Variants in MAPK10 observed in about 807,000 individuals in gnomAD.
MAPK10 encodes the protein JNK3 alpha protein kinase.
MAPK10 carries 25 observed loss-of-function variants against 59.3 expected under a neutral mutation model. The observed-to-expected ratio is 0.42, with a 90% CI of 0.31 to 0.59. The LOEUF (loss-of-function observed/expected upper bound fraction) is 0.59. Among genes scored for constraint, MAPK10 ranks in the 20% least tolerant of loss-of-function variants. MAPK10 has a pLI of 0.15. For missense variants in MAPK10, 351 were observed against 568.9 expected (o/e 0.62, Z 3.90); for synonymous variants, 190 against 200.5 (o/e 0.95, Z 0.44).
At chr4:86,446,646 T>A (rs1750080241) in intron 1 of MAPK10, among the ~76,000 whole-genome samples, 1 of 152,184 alleles carries the variant, frequency 6.6e-6, no homozygotes, top group Non-Finnish European at 1.5e-5. Flanking sequence ...AGCATTATAT[T>A]TATTCCCCAA....
intron 3 of MAPK10, among the ~76,000 whole-genome samples, chr4:86,180,613 C>T: frequency 6.6e-6 from 1 of 151,744 alleles, no homozygotes; most frequent in East Asian, 1.9e-4. Context: ...TCCAACAACA[C>T]ATGACTAGAT....
chr4:86,085,795 G>C (rs118161700), intron 9 of MAPK10, among the ~76,000 whole-genome samples: 1 of 152,158 alleles, frequency 6.6e-6, no homozygotes, highest in Non-Finnish European at 1.5e-5. Flanking sequence ...CTGCACTGCC[G>C]TGTTTGTTGC....
At chr4:86,409,640 G>C (rs1187789869) in intron 1 of MAPK10, among the ~76,000 whole-genome samples, 1 of 152,060 alleles carries the variant, frequency 6.6e-6, no homozygotes, top group East Asian at 1.9e-4. Context: ...TGGATTCCTA[G>C]GTATTTTATT....
At chr4:86,113,926 T>A (rs893555777) in intron 4 of MAPK10, among the ~76,000 whole-genome samples, 4 of 152,236 alleles carry the variant, frequency 2.6e-5, no homozygotes, top group African/African-American at 9.6e-5. Context: ...CATTCTTTTT[T>A]CTCTAACCTT....
intron 1 of MAPK10, among the ~76,000 whole-genome samples, chr4:86,463,164 A>C (rs1751893218): frequency 6.6e-6 from 1 of 152,240 alleles, no homozygotes; most frequent in African/African-American, 2.4e-5. Context: ...GCATTAATTC[A>C]GTTATACAAC....
intron 1 of MAPK10, among the ~76,000 whole-genome samples, chr4:86,523,533 A>G (rs75107727): frequency 9.2e-5 from 14 of 152,184 alleles, no homozygotes; most frequent in Non-Finnish European, 1.6e-4. Flanking sequence ...TTCTTGCTTC[A>G]TCACTTCTCT....
At chr4:86,192,853 A>T (rs2080276560) in intron 3 of MAPK10, 1 of 152,044 alleles carries the variant, frequency 6.6e-6, no homozygotes, top group Admixed American at 6.6e-5. Context: ...GAGAAGAGGC[A>T]TTCTGGCTTT....
intron 3 of MAPK10, among the ~76,000 whole-genome samples, chr4:86,162,368 A>T (rs1408501528): frequency 6.6e-6 from 1 of 152,008 alleles, no homozygotes; most frequent in Non-Finnish European, 1.5e-5. Flanking sequence ...TAAAGGAAAA[A>T]TGAGGATGAT....
chr4:86,191,553 CTTTTTTTTTTTTTTTT>C (rs35357476), intron 3 of MAPK10: 10 of 30,414 alleles, frequency 3.3e-4, no homozygotes, highest in South Asian at 1.9e-3. Context: ...ACAACCCGTG[CTTTTTTTTTTTTTTTT>C]TTTTTTTTTT....
intron 2 of MAPK10, among the ~76,000 whole-genome samples, chr4:86,285,451 G>A (rs1237464491): frequency 4.6e-5 from 7 of 151,942 alleles, no homozygotes; most frequent in African/African-American, 7.3e-5. Flanking sequence ...TCTTGACCTC[G>A]TGATCCACCC....
intron 1 of MAPK10, among the ~76,000 whole-genome samples, chr4:86,590,543 G>A (rs1446744828): frequency 6.6e-6 from 1 of 152,112 alleles, no homozygotes; most frequent in African/African-American, 2.4e-5. Context: ...CAGCAATTTG[G>A]GAGGCCAAGG....
chr4:86,392,673 T>G (rs977201436), intron 1 of MAPK10, among the ~76,000 whole-genome samples: 4 of 151,876 alleles, frequency 2.6e-5, no homozygotes, highest in African/African-American at 9.7e-5. Context: ...TCCTCAGTAC[T>G]AAGGATAGTG....
intron 2 of MAPK10, among the ~76,000 whole-genome samples, chr4:86,289,701 A>G (rs2095157763): frequency 6.6e-6 from 1 of 151,224 alleles, no homozygotes; most frequent in South Asian, 2.1e-4. Context: ...TATATCTATT[A>G]TATCTATTGG....
intron 1 of MAPK10, among the ~76,000 whole-genome samples, chr4:86,550,319 A>G (rs1759656526): frequency 1.3e-5 from 2 of 148,306 alleles, no homozygotes; most frequent in African/African-American, 5.0e-5. Context: ...GTTTGCAACA[A>G]TTAAAAAGCT....
At chr4:86,180,379 G>A (rs2076627264) in intron 3 of MAPK10, among the ~76,000 whole-genome samples, 2 of 151,596 alleles carry the variant, frequency 1.3e-5, no homozygotes, top group South Asian at 4.1e-4. Flanking sequence ...ATACACTGTT[G>A]GTGGGAATGT....
At chr4:86,227,635 CTCT>C (rs1446128702) in intron 2 of MAPK10, among the ~76,000 whole-genome samples, 1 of 152,062 alleles carries the variant, frequency 6.6e-6, no homozygotes, top group Non-Finnish European at 1.5e-5. Context: ...CAAACTAAAA[CTCT>C]TCAGAGATAC....
At chr4:86,025,926 G>T (rs1749942312) in intron 13 of MAPK10, among the ~76,000 whole-genome samples, 1 of 152,006 alleles carries the variant, frequency 6.6e-6, no homozygotes, top group South Asian at 2.1e-4. Flanking sequence ...AAAAGCACAA[G>T]AATGAAAAAA....
intron 2 of MAPK10, among the ~76,000 whole-genome samples, chr4:86,302,830 G>A (rs1415821331): frequency 6.6e-6 from 1 of 152,042 alleles, no homozygotes; most frequent in African/African-American, 2.4e-5. Context: ...AAAATAAAAT[G>A]GTAAGGAAGT....
chr4:86,525,324 A>G (rs1269469474), intron 1 of MAPK10, among the ~76,000 whole-genome samples: 1 of 152,046 alleles, frequency 6.6e-6, no homozygotes, highest in Non-Finnish European at 1.5e-5. Context: ...GAAAAAGAAA[A>G]CGAAACACAA....
Sources: gnomAD v4.1 joint callset for allele counts (sites outside exome capture counted in the v4.1 genomes callset) on GRCh38, gnomAD v4.1.1 for gene constraint, MANE v1.5 for transcripts, NCBI Gene and HGNC (gene_info 2026-07-23, HGNC 2026-07-21) for gene names.